Variants in CDH18 observed in about 807,000 individuals in gnomAD.
CDH18 encodes cadherin-18.
Under a neutral mutation model 67.9 loss-of-function variants are expected in CDH18, and 31 were observed. That is an observed-to-expected ratio of 0.46 (90% CI 0.34 to 0.62). CDH18 has a LOEUF of 0.62. Among genes scored for constraint, CDH18 ranks in the 20% least tolerant of loss-of-function variants. CDH18 has a pLI of 0.01. For missense variants in CDH18, 890 were observed against 975.5 expected (o/e 0.91, Z 1.17); for synonymous variants, 362 against 347.2 (o/e 1.04, Z -0.48).
At chr5:20,561,962 T>G (rs547112220) in intron 1 of CDH18, among the ~76,000 whole-genome samples, 8 of 152,008 alleles carry the variant, frequency 5.3e-5, no homozygotes, top group African/African-American at 1.9e-4. Context: ...GGTATTATGC[T>G]AAGAGCTGCC....
Position 19,710,665 on chromosome 5 carries a change from C to T in CDH18, c.643+10682G>A, listed in dbSNP as rs6873024. Among the ~76,000 whole-genome samples, 440 of 151,860 alleles carry T rather than the reference C, an allele frequency of 2.9e-3. 2 individuals are homozygous for T. The highest frequency in any genetic ancestry group is 9.9e-3 in the African/African-American group (410 of 41,448). ...AAAACTGTTTACAGAAGATCAGAGA[C>T]GTGACAAATGTTATGTAAAATACAA... On this transcript the variant is annotated intron_variant, in intron 5 of 12. Coordinates refer to ENST00000382275, the MANE Select transcript of CDH18 (RefSeq NM_004934.5).
At chr5:19,899,362 T>C (rs1181671931) in intron 2 of CDH18, among the ~76,000 whole-genome samples, 1 of 150,558 alleles carries the variant, frequency 6.6e-6, no homozygotes, top group Non-Finnish European at 1.5e-5. Flanking sequence ...ATTGTGCCAT[T>C]GCACTCCAGC....
intron 2 of CDH18, among the ~76,000 whole-genome samples, chr5:20,155,222 G>A (rs1435364527): frequency 6.6e-6 from 1 of 152,024 alleles, no homozygotes; most frequent in African/African-American, 2.4e-5. Context: ...TCTGAAAAAT[G>A]TTATGTTTGC....
intron 1 of CDH18, among the ~76,000 whole-genome samples, chr5:20,479,786 G>A (rs1752670962): frequency 6.6e-6 from 1 of 152,024 alleles, no homozygotes; most frequent in African/African-American, 2.4e-5. Context: ...TTCAAGTATA[G>A]GAGGGTTCCA....
chr5:20,548,522 T>G (rs16886290), intron 1 of CDH18, among the ~76,000 whole-genome samples: 26,778 of 151,718 alleles, frequency 0.18, 2,892 homozygotes, highest in East Asian at 0.4. Context: ...CAATCAACTT[T>G]CATGACAGTA....
At chr5:20,345,107 T>C (rs1740596553) in intron 1 of CDH18, among the ~76,000 whole-genome samples, 1 of 152,168 alleles carries the variant, frequency 6.6e-6, no homozygotes, top group Admixed American at 6.5e-5. Context: ...CAGTGAATAT[T>C]GAAACACTTT....
intron 2 of CDH18, among the ~76,000 whole-genome samples, chr5:20,245,544 A>G (rs1368367791): frequency 6.6e-6 from 1 of 152,132 alleles, no homozygotes; most frequent in Non-Finnish European, 1.5e-5. Flanking sequence ...AGAAATCAGA[A>G]AAGTAATACC....
chr5:19,721,924 A>G (rs144685712), intron 4 of CDH18, among the ~76,000 whole-genome samples: 12 of 152,320 alleles, frequency 7.9e-5, no homozygotes, highest in Non-Finnish European at 1.6e-4. Flanking sequence ...GTGAGTTGAT[A>G]TTAAATTATC....
chr5:20,281,034 T>G (rs1269599616), intron 1 of CDH18, among the ~76,000 whole-genome samples: 79 of 152,232 alleles, frequency 5.2e-4, no homozygotes, highest in African/African-American at 1.6e-3. Context: ...CCTATCCTTT[T>G]CCCACTTTTT....
intron 1 of CDH18, among the ~76,000 whole-genome samples, chr5:20,489,281 G>A (rs1753431507): frequency 6.6e-6 from 1 of 151,914 alleles, no homozygotes; most frequent in Non-Finnish European, 1.5e-5. Context: ...ATCCACTCTG[G>A]ATGGCAAACA....
At chr5:20,253,759 CA>C (rs1744032221) in intron 2 of CDH18, among the ~76,000 whole-genome samples, 1 of 152,106 alleles carries the variant, frequency 6.6e-6, no homozygotes, top group Non-Finnish European at 1.5e-5. Context: ...ACAAAGAGAA[CA>C]AATCTATGAC....
intron 3 of CDH18, among the ~76,000 whole-genome samples, chr5:19,784,482 T>C (rs1276208342): frequency 6.6e-6 from 1 of 152,196 alleles, no homozygotes; most frequent in African/African-American, 2.4e-5. Context: ...TACACAGGCA[T>C]GCCACTTTTT....
Position 20,336,724 on chromosome 5 carries a change from C to CAAAAAAAAAAAAAAAAAA in CDH18, c.-579-81237_-579-81220dup, listed in dbSNP as rs59083214. ...GGCAACAGAGAGGGAGCCTCTGTCT[C>CAAAAAAAAAAAAAAAAAA]AAAAAAAAAAAAAAAAAAAAAAAAA... On this transcript the variant is annotated intron_variant, in intron 1 of 14. Coordinates refer to the CDH18 transcript ENST00000507958. 5.8e-4 allele frequency among the ~76,000 whole-genome samples: 37 copies of CAAAAAAAAAAAAAAAAAA among 63,480 alleles called. 4 individuals carry two copies. Among genetic ancestry groups the CAAAAAAAAAAAAAAAAAA allele is most frequent in the Non-Finnish European group, 8.9e-4 (32 of 35,878 alleles). The allele number at this position is 63,480 out of a possible 152,430, so 41.6% of individuals were successfully genotyped here.
chr5:19,584,562 C>A (rs1743793048), intron 7 of CDH18, among the ~76,000 whole-genome samples: 1 of 151,778 alleles, frequency 6.6e-6, no homozygotes, highest in Admixed American at 6.6e-5. Flanking sequence ...TTAAATAACT[C>A]TGAGATTGAT....
intron 3 of CDH18, among the ~76,000 whole-genome samples, chr5:19,759,035 G>A (rs1179534795): frequency 6.6e-6 from 1 of 152,228 alleles, no homozygotes; most frequent in Non-Finnish European, 1.5e-5. Context: ...CCAGCTGAAG[G>A]CAAATTGCTT....
At chr5:19,537,109 A>G (rs1005906043) in intron 9 of CDH18, among the ~76,000 whole-genome samples, 1 of 152,200 alleles carries the variant, frequency 6.6e-6, no homozygotes. Flanking sequence ...CATTTGCATC[A>G]GGAGACTGAG....
Position 19,997,848 on chromosome 5 carries a change from C to T in CDH18, c.-517-5834G>A, listed in dbSNP as rs553590210. Among the ~76,000 whole-genome samples the T allele has an allele frequency of 5.9e-5, 9 of 152,098 alleles. No homozygotes were observed. In the South Asian group the frequency reaches 8.3e-4, roughly 14 times the overall value. On this transcript the variant is annotated intron_variant, in intron 2 of 14. Transcript: ENST00000507958. ...AGGGTGTCATGAAAGTTTCTTAATTCATCTTGAGTAGGTAGAGAAAGTTTC... is the reference window on the plus strand; with the variant it reads ...AGGGTGTCATGAAAGTTTCTTAATTTATCTTGAGTAGGTAGAGAAAGTTTC...
At chr5:20,375,966 A>G (rs905742424) in intron 1 of CDH18, among the ~76,000 whole-genome samples, 1 of 152,094 alleles carries the variant, frequency 6.6e-6, no homozygotes, top group Admixed American at 6.6e-5. Flanking sequence ...ATCTACAGAT[A>G]CTGCCTAAAT....
rs546867355 is a variant in CDH18, at chr5:20,413,898, C to T, written c.-579-158393G>A. On this transcript the variant is annotated intron_variant, in intron 1 of 14. Transcript: ENST00000507958. ...ATGAAGTCCTTGCCCATGCCTGTAA[C>T]CTGAATGGTATTGCCTAGGTTTTCT... Among the ~76,000 whole-genome samples the T allele has an allele frequency of 2.5e-3, 378 of 152,140 alleles. 1 individual carries two copies. Among genetic ancestry groups the T allele is most frequent in the African/African-American group, 8.7e-3 (361 of 41,514 alleles).
Sources: allele counts gnomAD v4.1 joint callset (sites outside exome capture counted in the v4.1 genomes callset), GRCh38; gene constraint gnomAD v4.1.1; transcripts MANE v1.5; gene names NCBI Gene and HGNC (gene_info 2026-07-23, HGNC 2026-07-21).